PUDP: variants seen among roughly 807,000 people sequenced by gnomAD.
PUDP encodes pseudouridine 5'-phosphatase.
A neutral mutation model predicts 9.4 loss-of-function variants in PUDP; 8 were observed. The ratio of observed to expected loss-of-function variants is 0.85; its 90% CI spans 0.50 to 1.53. PUDP has a LOEUF of 1.53. Among genes scored for constraint, PUDP ranks in the 40% most tolerant of loss-of-function variants. The pLI is 0.00. For synonymous variants in PUDP, 99 were observed against 80.7 expected (o/e 1.23, Z -1.22); for missense variants, 188 against 189.7 (o/e 0.99, Z 0.05).
At chrX:6,830,919 G>A (rs1304494004) in intron 3 of PUDP, among the ~76,000 whole-genome samples, 1 of 112,218 alleles carries the variant, frequency 8.9e-6, no homozygotes, top group Non-Finnish European at 1.9e-5. Context: ...TAGAGCAAGA[G>A]TTTAATTCAC....
At chrX:6,883,468 G>C (rs1487301334) in intron 3 of PUDP, among the ~76,000 whole-genome samples, 1 of 100,555 alleles carries the variant, frequency 9.9e-6, no homozygotes, top group East Asian at 3.4e-4. Context: ...GTTGCAGTGA[G>C]CCAATATCGA....
chrX:6,852,340 C>G (rs761277774), intron 3 of PUDP, among the ~76,000 whole-genome samples: 1 of 112,360 alleles, frequency 8.9e-6, no homozygotes, highest in African/African-American at 3.2e-5. Context: ...CGGGCTGATG[C>G]ATACTCAGCA....
intron 3 of PUDP, among the ~76,000 whole-genome samples, chrX:6,775,506 C>G (rs111734147): frequency 9.8e-6 from 1 of 101,952 alleles, no homozygotes; most frequent in African/African-American, 3.6e-5. Flanking sequence ...CACACACATA[C>G]ACACACACAC....
Position 6,932,803 on chromosome X carries a change from C to T in PUDP, c.*247+44330G>A, listed in dbSNP as rs1928217020. Among the ~76,000 whole-genome samples, 4 of 111,725 alleles carry T rather than the reference C, an allele frequency of 3.6e-5. No individual in the cohort carries two copies. In the Admixed American group the frequency reaches 3.8e-4, roughly 10 times the overall value. On this transcript the variant is annotated intron_variant and NMD_transcript_variant, in intron 3 of 3. Transcript: ENST00000655425. ...TTTCAGACGGGCTTAAAAAACGGCG[C>T]ACCACGAGATTATATCCCACACCTG... is the stretch of plus-strand genomic sequence containing the variant.
intron 3 of PUDP, among the ~76,000 whole-genome samples, chrX:6,820,853 T>A (rs1441204935): frequency 9.0e-6 from 1 of 111,514 alleles, no homozygotes; most frequent in African/African-American, 3.3e-5. Context: ...TTCTGGGGTC[T>A]AGAGGACGGT....
intron 3 of PUDP, among the ~76,000 whole-genome samples, chrX:6,782,255 C>T (rs753424247): frequency 4.5e-5 from 5 of 111,258 alleles, no homozygotes; most frequent in African/African-American, 1.6e-4. Context: ...CAGTACAGCT[C>T]CATCCCTGGA....
chrX:7,146,310 A>G (rs1029494028), intron 1 of PUDP, among the ~76,000 whole-genome samples: 5 of 112,022 alleles, frequency 4.5e-5, no homozygotes, highest in Admixed American at 9.5e-5. Flanking sequence ...TTAGGCACCA[A>G]GCTCATTTAG....
intron 3 of PUDP, among the ~76,000 whole-genome samples, chrX:6,930,396 T>C (rs925016816): frequency 9.0e-6 from 1 of 111,623 alleles, no homozygotes; most frequent in Non-Finnish European, 1.9e-5. Context: ...AAGTGACCTC[T>C]GGCTGTCCTC....
chrX:6,787,163 G>A (rs1925661833), intron 3 of PUDP, among the ~76,000 whole-genome samples: 1 of 111,421 alleles, frequency 9.0e-6, no homozygotes. Context: ...TGATTTGAGG[G>A]CCACTCAAAA....
upstream of PUDP, among the ~76,000 whole-genome samples, chrX:6,723,877 G>A (rs1924707176): frequency 9.0e-6 from 1 of 111,438 alleles, no homozygotes; most frequent in African/African-American, 3.3e-5. Flanking sequence ...AGTAAATACG[G>A]CAAAAATGTT....
chrX:7,030,226 C>T (rs185439446), intron 1 of PUDP, among the ~76,000 whole-genome samples: 211 of 110,921 alleles, frequency 1.9e-3, no homozygotes, highest in African/African-American at 6.7e-3. Context: ...GCCAACACAA[C>T]CTAGTATTGA....
intron 3 of PUDP, among the ~76,000 whole-genome samples, chrX:6,756,773 T>A (rs1466580474): frequency 8.9e-6 from 1 of 112,200 alleles, no homozygotes; most frequent in Non-Finnish European, 1.9e-5. Flanking sequence ...GAATGAGATA[T>A]ACATAATTAT....
chrX:6,932,451 C>T (rs1928206213), intron 3 of PUDP, among the ~76,000 whole-genome samples: 1 of 111,980 alleles, frequency 8.9e-6, no homozygotes, highest in African/African-American at 3.2e-5. Flanking sequence ...CCCATGTCTT[C>T]ATCCTTAAAG....
At chrX:7,099,963 A>T (rs1179162878) in intron 2 of PUDP, among the ~76,000 whole-genome samples, 1 of 108,853 alleles carries the variant, frequency 9.2e-6, no homozygotes. Context: ...CCCGCAGCAT[A>T]ATCAGGCTGA....
intron 2 of PUDP, among the ~76,000 whole-genome samples, chrX:7,102,821 A>G (rs1448461533): frequency 8.9e-6 from 1 of 112,024 alleles, no homozygotes; most frequent in Non-Finnish European, 1.9e-5. Flanking sequence ...AGAAAATTAT[A>G]AACAATCCCA....
In PUDP at chrX:6,769,847, A is replaced by G. The variant is rs991665319; in HGVS notation, c.*248-63381T>C. ...ATTTTGATGGCGAGAAAATATTAAT[A>G]TAAAGAAACTGTTTACAGTCATGTG... On this transcript the variant is annotated intron_variant and NMD_transcript_variant, in intron 3 of 3. Coordinates refer to the PUDP transcript ENST00000655425. 3.6e-5 allele frequency among the ~76,000 whole-genome samples: 4 copies of G among 112,046 alleles called. No homozygotes were observed. The Admixed American group carries it at 3.8e-4, about 11-fold the overall frequency.
chrX:6,878,118 T>C (rs1927292827), intron 3 of PUDP, among the ~76,000 whole-genome samples: 1 of 112,409 alleles, frequency 8.9e-6, no homozygotes, highest in Non-Finnish European at 1.9e-5. Flanking sequence ...TCCACACTCT[T>C]ATAAAATGGA....
At chrX:7,046,899 A>G (rs768021376), downstream of PUDP, among the ~76,000 whole-genome samples, 14 of 112,337 alleles carry the variant, frequency 1.2e-4, no homozygotes, top group Non-Finnish European at 2.6e-4. Context: ...TATTTTCATG[A>G]AAAAAATTCA....
intron 3 of PUDP, among the ~76,000 whole-genome samples, chrX:7,069,081 T>A (rs1375742410): frequency 1.8e-5 from 2 of 111,634 alleles, no homozygotes; most frequent in Non-Finnish European, 3.8e-5. Context: ...CATTTGGGGA[T>A]TGCTGAACCG....
Sources: allele counts gnomAD v4.1 joint callset (sites outside exome capture counted in the v4.1 genomes callset), GRCh38; gene constraint gnomAD v4.1.1; transcripts MANE v1.5; gene names NCBI Gene and HGNC (gene_info 2026-07-23, HGNC 2026-07-21).